The following CROT variants were observed in gnomAD, a reference collection of about 807,000 sequenced individuals.
CROT encodes carnitine O-octanoyltransferase, also known as peroxisomal carnitine O-octanoyltransferase.
In CROT, 84 loss-of-function variants were observed where a neutral mutation model predicts 89.2. The ratio of observed to expected loss-of-function variants is 0.94; its 90% CI spans 0.79 to 1.13. The LOEUF is 1.13. Among genes scored for constraint, CROT ranks in the 50% most tolerant of loss-of-function variants. The pLI, the probability that CROT is intolerant of heterozygous loss-of-function variation, is 0.00. For synonymous variants in CROT, 212 were observed against 239.5 expected (o/e 0.89, Z 1.06); for missense variants, 711 against 727.8 (o/e 0.98, Z 0.27).
chr7:87,359,238 A>G lies in CROT; in HGVS notation c.148A>G (p.Lys50Glu). Residue 50 changes from lysine to glutamate, a missense_variant, in exon 4 of 18, where the codon AAA (lysine) becomes GAA (glutamate). Transcript: ENST00000331536. ...ATTTGCAAATCAAGAAGAATATAAG[A>G]AAACTGAAGAAATAGTTCAAAAATT... ...KPFANQEEYK[K>E]TEEIVQKFQS... 1 of 1,587,954 alleles carries G rather than the reference A, an allele frequency of 6.3e-7. No homozygotes were observed. The highest frequency in any genetic ancestry group is 8.6e-7 in the Non-Finnish European group (1 of 1,159,580).
At chr7:87,375,345 C>T in intron 7 of CROT, 1 of 303,382 alleles carries the variant, frequency 3.3e-6, no homozygotes, top group Non-Finnish European at 6.2e-6. Context: ...TACTTGCAAC[C>T]TAGAAGTGCA....
intron 17 of CROT, among the ~76,000 whole-genome samples, chr7:87,393,622 T>C (rs1807436837): frequency 6.6e-6 from 1 of 152,126 alleles, no homozygotes; most frequent in Admixed American, 6.6e-5. Context: ...TAGCAAGGCT[T>C]GTAAGGTCCT....
chr7:87,365,132 G>T (rs1253312953), intron 6 of CROT, among the ~76,000 whole-genome samples: 1 of 152,156 alleles, frequency 6.6e-6, no homozygotes, highest in African/African-American at 2.4e-5. Flanking sequence ...AGGAAGAGGG[G>T]CTGAAGGATT....
chr7:87,392,530 G>A (rs747933671), intron 14 of CROT, 36 bp from the exon 15 acceptor site: 6 of 1,545,788 alleles, frequency 3.9e-6, no homozygotes, highest in Non-Finnish European at 4.5e-6. Flanking sequence ...GTTTTGCACA[G>A]TGTGTTATTG....
Position 87,392,589 on chromosome 7 carries a change from G to A in CROT, c.1449G>A (p.Met483Ile). The A allele has an allele frequency of 6.2e-7, 1 of 1,613,414 alleles. No homozygotes were observed. The change falls in exon 15 of 18, where the codon ATG becomes ATA. Residue 483 changes from methionine to isoleucine, a missense_variant. Met to Ile is a conservative substitution (Grantham distance 10). Transcript: ENST00000331536. Reference protein sequence around the residue: ...SVNLRERQQKMLQAFAKHNKM... With the variant: ...SVNLRERQQKILQAFAKHNKM... ...AGCTTCGTGAGCGGCAGCAAAAGAT[G>A]TTACAAGCTTTTGCAAAGCATAATA...
intron 17 of CROT, among the ~76,000 whole-genome samples, chr7:87,397,573 A>G (rs1807577526): frequency 6.6e-6 from 1 of 152,206 alleles, no homozygotes. Context: ...ACATGTTTAG[A>G]TGCTGCTAAA....
chr7:87,370,357 AT>A (rs1459368611), intron 7 of CROT, among the ~76,000 whole-genome samples: 1 of 151,936 alleles, frequency 6.6e-6, no homozygotes, highest in Admixed American at 6.5e-5. Context: ...TAATTATTGT[AT>A]TTTTAGTAGG....
intron 7 of CROT, among the ~76,000 whole-genome samples, chr7:87,374,096 G>A (rs923474408): frequency 4.6e-5 from 7 of 152,096 alleles, no homozygotes; most frequent in African/African-American, 1.4e-4. Context: ...GACTGTGTGG[G>A]TTATAGAATA....
At chr7:87,357,594 A>T (rs1233236391) in intron 3 of CROT, 2 of 1,081,314 alleles carry the variant, frequency 1.8e-6, no homozygotes, top group South Asian at 2.7e-5. Flanking sequence ...ATTCAAGGTG[A>T]GTTGCAGAGT....
chr7:87,359,782 G>A, intron 4 of CROT: 6 of 984,808 alleles, frequency 6.1e-6, no homozygotes, highest in Non-Finnish European at 7.2e-6. Flanking sequence ...TATGTATATT[G>A]TATATTTCAG....
At chr7:87,356,828 C>T (rs148791337) in intron 3 of CROT, among the ~76,000 whole-genome samples, 2,645 of 152,266 alleles carry the variant, frequency 0.017, 61 homozygotes, top group Admixed American at 0.075. Context: ...TCAAGACCAG[C>T]TTGGCCAAGA....
rs1444655240 is a variant in CROT, at chr7:87,381,939, G to A, written c.1008G>A (p.Val336=). 4 of 1,610,572 alleles carry A rather than the reference G, an allele frequency of 2.5e-6. No homozygotes were observed. In the African/African-American group the frequency reaches 5.3e-5, roughly 22 times the overall value. ...DHAPFDAMIM[V]NISYYVDEKI... ...CTCCTTTTGATGCAATGATTATGGT[G>A]AACATCAGTTATTATGTGGATGAGA... Residue 336 remains valine (V), a synonymous_variant, in exon 11 of 18, where the codon GTG becomes GTA. Transcript: ENST00000331536.
Position 87,364,643 on chromosome 7 carries a change from A to G in CROT, c.547+2791A>G, listed in dbSNP as rs928145646. Among the ~76,000 whole-genome samples the G allele has an allele frequency of 1.3e-4, 20 of 152,222 alleles. 1 individual carries two copies. The highest frequency in any genetic ancestry group is 3.3e-4 in the Admixed American group (5 of 15,286). ...ATAATTTTTTAAAGATTGTGATATT[A>G]CATCATAGGCATTGTTACAGGAGAG... On this transcript the variant is annotated intron_variant, in intron 6 of 17. Coordinates refer to ENST00000331536, the MANE Select transcript of CROT (RefSeq NM_021151.4).
At chr7:87,354,007 TA>T (rs1805971564) in intron 3 of CROT, among the ~76,000 whole-genome samples, 1 of 152,248 alleles carries the variant, frequency 6.6e-6, no homozygotes, top group African/African-American at 2.4e-5. Flanking sequence ...ATAACTTTAA[TA>T]AATCCCAGCA....
chr7:87,376,020 A>G, intron 9 of CROT, 67 bp downstream of exon 9: 2 of 1,452,282 alleles, frequency 1.4e-6, no homozygotes, highest in Non-Finnish European at 9.2e-7. Flanking sequence ...TTTATTGAAC[A>G]TGGAAGTTTT....
chr7:87,359,040 C>T lies in CROT; in HGVS notation c.116-166C>T, dbSNP rs6974007. Among the ~76,000 whole-genome samples, 6,365 of 152,176 alleles carry T rather than the reference C, an allele frequency of 0.042. 288 individuals carry two copies. Among genetic ancestry groups the T allele is most frequent in the African/African-American group, 0.11 (4,734 of 41,504 alleles). ...ATTTCCAAATCTTTTGTTTCTTTTC[C>T]GCCACTTTCATGTTGTCAACTCTTA... On this transcript the variant is annotated intron_variant, in intron 3 of 17. Coordinates refer to ENST00000331536, the MANE Select transcript of CROT (RefSeq NM_021151.4).
intron 17 of CROT, among the ~76,000 whole-genome samples, chr7:87,394,017 A>G (rs1807448192): frequency 6.6e-6 from 1 of 152,212 alleles, no homozygotes; most frequent in Non-Finnish European, 1.5e-5. Flanking sequence ...CATAAAATAT[A>G]CACAAATCTA....
At chr7:87,389,507 A>C (rs145811096) in intron 13 of CROT, among the ~76,000 whole-genome samples, 1 of 152,074 alleles carries the variant, frequency 6.6e-6, no homozygotes, top group South Asian at 2.1e-4. Flanking sequence ...ATCATTCTCA[A>C]CAAACTAACA....
Position 87,375,702 on chromosome 7 carries a change from G to A in CROT, c.727G>A (p.Glu243Lys). 6.2e-7 allele frequency: 1 copy of A among 1,613,524 alleles called. No individual in the cohort carries two copies. Among genetic ancestry groups the A allele is most frequent in the South Asian group, 1.1e-5 (1 of 91,074 alleles). The part of the protein sequence containing the change: ...DGPGIAALTS[E>K]ERTRWAKARE... ...ACCTGGGATTGCAGCATTAACTAGT[G>A]AGGAGCGAACTCGATGGGCTAAGGT... The change falls in exon 8 of 18, where the codon GAG (glutamate) becomes AAG (lysine). Residue 243 changes from glutamate to lysine, a missense_variant. By Grantham distance (56) the Glu-to-Lys change is moderately conservative. Transcript: ENST00000331536.
Sources: allele counts gnomAD v4.1 joint callset (sites outside exome capture counted in the v4.1 genomes callset), GRCh38; gene constraint gnomAD v4.1.1; transcripts MANE v1.5; gene names NCBI Gene and HGNC (gene_info 2026-07-23, HGNC 2026-07-21).